The following CCDC174 variants were observed in gnomAD, a reference collection of about 807,000 sequenced individuals.
CCDC174 encodes the protein coiled-coil domain-containing protein 174.
Under a neutral mutation model 57.1 loss-of-function variants are expected in CCDC174, and 37 were observed. That is an observed-to-expected ratio of 0.65 (90% CI 0.50 to 0.85). The LOEUF is 0.85. CCDC174 is among the 40% of genes least tolerant of loss of function. The pLI, the probability that CCDC174 is intolerant of heterozygous loss-of-function variation, is 0.00. For missense variants in CCDC174, 540 were observed against 574.3 expected (o/e 0.94, Z 0.61); for synonymous variants, 182 against 190.2 (o/e 0.96, Z 0.35).
chr3:14,656,605 G>A (rs895407589), intron 3 of CCDC174, among the ~76,000 whole-genome samples: 4 of 152,190 alleles, frequency 2.6e-5, no homozygotes, highest in African/African-American at 9.7e-5. Context: ...TTTCACCACT[G>A]TAAAGGTGCC....
chr3:14,661,381 G>A, intron 4 of CCDC174, 149 bp from the exon 5 acceptor site: 1 of 643,524 alleles, frequency 1.6e-6, no homozygotes, highest in East Asian at 2.7e-5. Context: ...AGGTAGCTGT[G>A]TGTCTTTGTA....
At chr3:14,652,132 T>C (rs1479461047) in intron 1 of CCDC174, among the ~76,000 whole-genome samples, 1 of 152,124 alleles carries the variant, frequency 6.6e-6, no homozygotes, top group Non-Finnish European at 1.5e-5. Context: ...GAACCTGGTG[T>C]CCCGTGGGTT....
At chr3:14,664,503 TC>T (rs2031253354) in intron 5 of CCDC174, among the ~76,000 whole-genome samples, 1 of 152,188 alleles carries the variant, frequency 6.6e-6, no homozygotes, top group Non-Finnish European at 1.5e-5. Flanking sequence ...GTGTTTGGCT[TC>T]CTCCTAATTA....
intron 10 of CCDC174, 40 bp downstream of exon 10, chr3:14,670,126 G>A: frequency 6.4e-7 from 1 of 1,569,068 alleles, no homozygotes; most frequent in East Asian, 2.3e-5. Context: ...ACTCTCCAGT[G>A]AATGGAAAAT....
At chr3:14,664,961 A>G in intron 5 of CCDC174, 67 bp from the exon 6 acceptor site, 1 of 1,139,162 alleles carries the variant, frequency 8.8e-7, no homozygotes, top group African/African-American at 1.5e-5. Context: ...CTGTTCACCT[A>G]CTCCCTGACT....
In CCDC174 at chr3:14,660,613, C is replaced by G. The variant is rs1300638272; in HGVS notation, c.308-917C>G. ...GTCCAAAGGAGTGTGAAGGTAGAGACCTGGTTTTGTCAAAGCCAGCAAGCC... is the reference window on the plus strand; with the variant it reads ...GTCCAAAGGAGTGTGAAGGTAGAGAGCTGGTTTTGTCAAAGCCAGCAAGCC... On this transcript the variant is annotated intron_variant, in intron 4 of 10. Coordinates refer to ENST00000383794, the MANE Select transcript of CCDC174 (RefSeq NM_016474.5). 9.8e-5 allele frequency among the ~76,000 whole-genome samples: 15 copies of G among 152,302 alleles called. No homozygotes were observed. In the East Asian group the frequency reaches 2.9e-3, roughly 29 times the overall value.
intron 3 of CCDC174, 93 bp from the exon 4 acceptor site, chr3:14,658,778 G>GACA: frequency 7.4e-7 from 1 of 1,350,828 alleles, no homozygotes; most frequent in South Asian, 1.2e-5. Flanking sequence ...TGGGCCTCAT[G>GACA]GGCAGATGGT....
rs766356130 is a variant in CCDC174, at chr3:14,658,914, AAAG to A, written c.293_295del (p.Lys98_Gly99delinsArg). 1 of 1,525,386 alleles carries A rather than the reference AAAG, an allele frequency of 6.6e-7. No homozygotes were observed. The allele number at this position is 1,525,386 out of a possible 1,614,324, so 94.5% of individuals were successfully genotyped here. A position where few individuals can be genotyped will look rare whatever the true frequency, so the allele number is the denominator to read the frequency against. On this transcript the variant is annotated inframe_deletion, in exon 4 of 11. Coordinates refer to ENST00000383794, the MANE Select transcript of CCDC174 (RefSeq NM_016474.5). ...AGCCAAATTATATGAAAAAATGACTAAAGGAGACTTTATAGGTAAATAAAATTT... is the reference window on the plus strand; with the variant it reads ...AGCCAAATTATATGAAAAAATGACTAGAGACTTTATAGGTAAATAAAATTT...
At position 14,660,019 on chromosome 3, in the gene CCDC174, G is replaced by A. The variant is rs116711007; in HGVS notation, c.307+1090G>A. On this transcript the variant is annotated intron_variant, in intron 4 of 10. Coordinates refer to ENST00000383794, the MANE Select transcript of CCDC174 (RefSeq NM_016474.5). ...GACCGCTTCTTCCCAGACAGCAGGG[G>A]CACTTTCCCTGTATAGCAGGAGCCT... Among the ~76,000 whole-genome samples the A allele has an allele frequency of 1.2e-3, 190 of 152,272 alleles. 1 individual carries two copies. The highest frequency in any genetic ancestry group is 3.8e-3 in the African/African-American group (156 of 41,562).
At chr3:14,654,030 C>T (rs940522944) in intron 1 of CCDC174, among the ~76,000 whole-genome samples, 1 of 152,188 alleles carries the variant, frequency 6.6e-6, no homozygotes, top group Non-Finnish European at 1.5e-5. Context: ...GTTATTTCTA[C>T]AGCATTTCAC....
At chr3:14,655,772 A>G (rs777177286) in intron 3 of CCDC174, 143 bp downstream of exon 3, 28 of 464,118 alleles carry the variant, frequency 6.0e-5, no homozygotes, top group Non-Finnish European at 8.2e-5. Flanking sequence ...TCTAAAAATA[A>G]TATAATTTGC....
At chr3:14,667,318 T>C (rs780273641) in intron 7 of CCDC174, 106 bp from the exon 8 acceptor site, 11 of 858,910 alleles carry the variant, frequency 1.3e-5, no homozygotes, top group Non-Finnish European at 2.1e-5. Flanking sequence ...TTAAAACTTG[T>C]GCCAAATATC....
At chr3:14,652,240 A>G (rs1321377555) in intron 1 of CCDC174, among the ~76,000 whole-genome samples, 2 of 152,102 alleles carry the variant, frequency 1.3e-5, no homozygotes, top group Admixed American at 1.3e-4. Flanking sequence ...TCTTTTTGCT[A>G]TGCAGACATA....
intron 8 of CCDC174, 129 bp from the exon 9 acceptor site, chr3:14,667,920 A>C: frequency 1.2e-6 from 1 of 839,134 alleles, no homozygotes; most frequent in South Asian, 1.8e-5. Context: ...TGAGGATCTC[A>C]AGGACAGCTT....
chr3:14,657,328 CTCTT>C (rs1039456661), intron 3 of CCDC174, among the ~76,000 whole-genome samples: 10 of 152,222 alleles, frequency 6.6e-5, no homozygotes, highest in Non-Finnish European at 1.3e-4. Context: ...TCTGTTAAGA[CTCTT>C]TCTTTATCTA....
intron 5 of CCDC174, among the ~76,000 whole-genome samples, chr3:14,662,072 CTTA>C (rs1371211092): frequency 6.6e-6 from 1 of 152,194 alleles, no homozygotes; most frequent in Non-Finnish European, 1.5e-5. Context: ...GTGCTGCTGC[CTTA>C]CCCGTGTTCT....
Position 14,655,494 on chromosome 3 carries a change from G to T in CCDC174, c.148-35G>T, listed in dbSNP as rs770818031. ...CAAGTAGAGATTTTTTGGCAATCAT[G>T]TGGTTCTGTTTTGTCTTCTAAAATT... On this transcript the variant is annotated intron_variant, in intron 2 of 10. Transcript: ENST00000383794. The T allele has an allele frequency of 8.6e-6, 12 of 1,394,932 alleles. No homozygotes were observed. In the East Asian group the frequency reaches 1.9e-4, roughly 22 times the overall value. The allele number at this position is 1,394,932 out of a possible 1,614,324, so 86.4% of individuals were successfully genotyped here. A position where few individuals can be genotyped will look rare whatever the true frequency, so the allele number is the denominator to read the frequency against.
At chr3:14,668,929 A>G (rs1391277138) in intron 9 of CCDC174, among the ~76,000 whole-genome samples, 2 of 152,126 alleles carry the variant, frequency 1.3e-5, no homozygotes, top group African/African-American at 2.4e-5. Context: ...TCTCTTCTGC[A>G]TAGTCAAAGC....
chr3:14,670,693 C>T (rs1274056149), intron 10 of CCDC174, among the ~76,000 whole-genome samples: 1 of 152,156 alleles, frequency 6.6e-6, no homozygotes, highest in Non-Finnish European at 1.5e-5. Context: ...TAGAGATAGT[C>T]ACTCCCTTTT....
Sources: allele counts gnomAD v4.1 joint callset (sites outside exome capture counted in the v4.1 genomes callset), GRCh38; gene constraint gnomAD v4.1.1; transcripts MANE v1.5; gene names NCBI Gene and HGNC (gene_info 2026-07-23, HGNC 2026-07-21).